NRG1: variants seen among roughly 807,000 people sequenced by gnomAD.
NRG1 encodes the protein neuregulin 1, also known as pro-neuregulin-1, membrane-bound isoform.
NRG1 carries 18 observed loss-of-function variants against 63.8 expected under a neutral mutation model. The ratio of observed to expected loss-of-function variants is 0.28; its 90% CI spans 0.19 to 0.42. The LOEUF (loss-of-function observed/expected upper bound fraction) is 0.42. Ranked by LOEUF, NRG1 falls within the 10% of genes least tolerant of loss-of-function variation. The pLI, the probability that NRG1 is intolerant of heterozygous loss-of-function variation, is 1.00. For missense variants in NRG1, 762 were observed against 814.7 expected, an observed-to-expected ratio of 0.94 and a Z score of 0.79; for synonymous variants, 302 against 301.3, an observed-to-expected ratio of 1.00 and a Z score of -0.02.
At chr8:32,325,124 CAAAG>C (rs1441562412) in intron 1 of NRG1, among the ~76,000 whole-genome samples, 4 of 152,194 alleles carry the variant, frequency 2.6e-5, no homozygotes, top group Non-Finnish European at 5.9e-5. Context: ...TTTGATTTCA[CAAAG>C]AAAGAAATTC....
At chr8:32,176,599 A>G (rs1840761030) in intron 1 of NRG1, among the ~76,000 whole-genome samples, 1 of 152,262 alleles carries the variant, frequency 6.6e-6, no homozygotes, top group African/African-American at 2.4e-5. Flanking sequence ...GCTAATATCC[A>G]GAATCTACAG....
intron 1 of NRG1, among the ~76,000 whole-genome samples, chr8:32,342,200 T>C (rs1804167885): frequency 6.6e-6 from 1 of 152,216 alleles, no homozygotes; most frequent in African/African-American, 2.4e-5. Context: ...ATAAAAAATG[T>C]CTAAGTTAAG....
At chr8:32,356,488 C>G (rs943688771) in intron 1 of NRG1, among the ~76,000 whole-genome samples, 8 of 144,018 alleles carry the variant, frequency 5.6e-5, no homozygotes, top group Admixed American at 2.8e-4. Context: ...CCCCCCCACC[C>G]GCCGGGCCCC....
At chr8:32,580,111 G>A (rs897557140) in intron 1 of NRG1, among the ~76,000 whole-genome samples, 1 of 152,172 alleles carries the variant, frequency 6.6e-6, no homozygotes, top group South Asian at 2.1e-4. Context: ...TAAGCAACTT[G>A]AACATCTATG....
intron 1 of NRG1, among the ~76,000 whole-genome samples, chr8:32,402,859 G>A (rs1444174885): frequency 6.6e-6 from 1 of 152,172 alleles, no homozygotes; most frequent in African/African-American, 2.4e-5. Context: ...ACTACCCACG[G>A]TTTCAGGCAT....
intron 1 of NRG1, among the ~76,000 whole-genome samples, chr8:32,310,812 T>C (rs10503905): frequency 0.95 from 144,798 of 152,272 alleles, 68,958 homozygotes; most frequent in African/African-American, 0.99. Flanking sequence ...GACACATATC[T>C]TCTTGAGCAC....
At chr8:32,185,349 C>T (rs1459632241) in intron 1 of NRG1, among the ~76,000 whole-genome samples, 2 of 152,092 alleles carry the variant, frequency 1.3e-5, no homozygotes, top group African/African-American at 2.4e-5. Flanking sequence ...ACCGTTATTA[C>T]CTCTGAATTC....
intron 1 of NRG1, among the ~76,000 whole-genome samples, chr8:32,373,735 A>C (rs1316468568): frequency 6.6e-6 from 1 of 152,106 alleles, no homozygotes; most frequent in Non-Finnish European, 1.5e-5. Flanking sequence ...CCAAGATTGC[A>C]CCACTGCACT....
In NRG1 at chr8:31,704,935, TA is replaced by T. The variant is rs200246501; in HGVS notation, c.37+65506del. On this transcript the variant is annotated intron_variant, in intron 1 of 10. Coordinates refer to the NRG1 transcript ENST00000519301. ...CCAAAAGTAGATACATACATATTTC[TA>T]ATTCATTGTTTGAAGAAAAGCCTTA... 8.0e-3 allele frequency among the ~76,000 whole-genome samples: 1,219 copies of T among 152,276 alleles called. 11 individuals are homozygous for T. Among genetic ancestry groups the T allele is most frequent in the African/African-American group, 0.028 (1,148 of 41,566 alleles).
At chr8:32,665,426 G>A (rs1017077572) in intron 5 of NRG1, among the ~76,000 whole-genome samples, 1 of 152,110 alleles carries the variant, frequency 6.6e-6, no homozygotes, top group African/African-American at 2.4e-5. Context: ...AGAGCTGTGT[G>A]TTCATTACAT....
intron 1 of NRG1, among the ~76,000 whole-genome samples, chr8:31,956,632 A>T (rs1235858313): frequency 6.6e-6 from 1 of 152,196 alleles, no homozygotes; most frequent in Non-Finnish European, 1.5e-5. Context: ...TCAAAAAAAA[A>T]AAGTATTCTG....
At chr8:32,135,269 T>C (rs1835360909) in intron 1 of NRG1, among the ~76,000 whole-genome samples, 1 of 152,200 alleles carries the variant, frequency 6.6e-6, no homozygotes, top group South Asian at 2.1e-4. Flanking sequence ...TGAGGAATAA[T>C]GTGACTTGAC....
At chr8:32,713,597 T>G (rs996210337) in intron 5 of NRG1, among the ~76,000 whole-genome samples, 1 of 150,542 alleles carries the variant, frequency 6.6e-6, no homozygotes, top group Non-Finnish European at 1.5e-5. Context: ...TCTCTGATAA[T>G]TCATGAGTAA....
intron 1 of NRG1, among the ~76,000 whole-genome samples, chr8:31,913,760 T>A: frequency 6.6e-6 from 1 of 152,166 alleles, no homozygotes; most frequent in East Asian, 1.9e-4. Flanking sequence ...GCAGTTTGCA[T>A]ACTGAAGGAA....
At chr8:32,515,557 C>G (rs1829736391) in intron 1 of NRG1, among the ~76,000 whole-genome samples, 2 of 152,000 alleles carry the variant, frequency 1.3e-5, no homozygotes, top group Non-Finnish European at 2.9e-5. Flanking sequence ...AATCCTTTCA[C>G]CTCAGCCCCC....
At chr8:32,025,560 T>C (rs981119741) in intron 1 of NRG1, among the ~76,000 whole-genome samples, 4 of 152,218 alleles carry the variant, frequency 2.6e-5, no homozygotes, top group African/African-American at 9.6e-5. Context: ...CCTTAAGACG[T>C]ATCTTTTTCT....
Position 32,590,427 on chromosome 8 carries a change from C to T in NRG1, c.101-5401C>T, listed in dbSNP as rs1588529414. Among the ~76,000 whole-genome samples the T allele has an allele frequency of 1.3e-5, 2 of 152,152 alleles. 1 individual carries two copies. ...ACAATTAAATCATGCTTAAGATTCT[C>T]GGAACACCTCCTGCATTTGAAGCAT... On this transcript the variant is annotated intron_variant, in intron 1 of 11. Transcript: ENST00000356819.
chr8:32,098,883 C>CAT (rs1830208926), intron 1 of NRG1: 1 of 152,202 alleles, frequency 6.6e-6, no homozygotes, highest in Non-Finnish European at 1.5e-5. Context: ...TCCACATAAC[C>CAT]ATGGGTAGCC....
At chr8:31,913,550 A>G (rs1334130122) in intron 1 of NRG1, among the ~76,000 whole-genome samples, 2 of 152,162 alleles carry the variant, frequency 1.3e-5, no homozygotes, top group African/African-American at 2.4e-5. Flanking sequence ...ATACTGAGTT[A>G]TCCAGGGTTA....
Sources: gnomAD v4.1 joint callset for allele counts (sites outside exome capture counted in the v4.1 genomes callset) on GRCh38, gnomAD v4.1.1 for gene constraint, MANE v1.5 for transcripts, NCBI Gene and HGNC (gene_info 2026-07-23, HGNC 2026-07-21) for gene names.